Variants in SH3RF1 observed in about 807,000 individuals in gnomAD.
SH3RF1 encodes SH3 domain containing ring finger 1.
SH3RF1 carries 32 observed loss-of-function variants against 74.0 expected under a neutral mutation model. The ratio of observed to expected loss-of-function variants is 0.43; its 90% CI spans 0.33 to 0.58. The LOEUF (loss-of-function observed/expected upper bound fraction) is 0.58. SH3RF1 is among the 20% of genes least tolerant of loss of function. The pLI, the probability that SH3RF1 is intolerant of heterozygous loss-of-function variation, is 0.05. For missense variants in SH3RF1, 954 were observed against 1,130.9 expected, an observed-to-expected ratio of 0.84 and a Z score of 2.24; for synonymous variants, 396 against 439.6, an observed-to-expected ratio of 0.90 and a Z score of 1.24.
chr4:169,136,559 G>T lies in SH3RF1; in HGVS notation c.827C>A (p.Ala276Asp). The T allele has an allele frequency of 6.2e-7, 1 of 1,600,988 alleles. No homozygotes were observed. ...GGCTGCTGCCGAGGAACATTCTCCA[G>T]CATCAACTCCTGGCACAGGAGGCTT... ...WDKPPVPGVD[A>D]GECSSAAAQS... Residue 276 changes from alanine to aspartate, a missense_variant, in exon 5 of 12, where the codon GCT becomes GAT. This residue lies in a region of SH3RF1 where 854 missense variants were observed against 962.5 expected (regional missense o/e 0.89). Coordinates refer to ENST00000284637, the MANE Select transcript of SH3RF1 (RefSeq NM_020870.4).
Position 169,136,536 on chromosome 4 carries a change from C to T in SH3RF1, c.850G>A (p.Ala284Thr), listed in dbSNP as rs1733704444. The T allele has an allele frequency of 1.2e-6, 2 of 1,609,760 alleles. No individual in the cohort carries two copies. The highest frequency in any genetic ancestry group is 8.5e-7 in the Non-Finnish European group (1 of 1,178,462). Reference sequence around the variant, plus strand: ...TGCTTTGGGGCAGTGCTGCTCTGGGCTGCTGCCGAGGAACATTCTCCAGCA... The same window carrying T: ...TGCTTTGGGGCAGTGCTGCTCTGGGTTGCTGCCGAGGAACATTCTCCAGCA... ...VDAGECSSAA[A>T]QSSTAPKHSD... Residue 284 changes from alanine (A) to threonine (T), a missense_variant, in exon 5 of 12, where the codon GCC becomes ACC. Around this residue, in one of 3 missense-constraint regions of SH3RF1, gnomAD observed 854 missense variants for 962.5 expected, o/e 0.89. Coordinates refer to ENST00000284637, the MANE Select transcript of SH3RF1 (RefSeq NM_020870.4).
chr4:169,196,935 TA>T (rs1734822263), intron 2 of SH3RF1, among the ~76,000 whole-genome samples: 1 of 152,136 alleles, frequency 6.6e-6, no homozygotes, highest in South Asian at 2.1e-4. Flanking sequence ...TTTGCCTATT[TA>T]AAAAATAATG....
chr4:169,207,827 GTTGT>G (rs1730286179), intron 2 of SH3RF1, among the ~76,000 whole-genome samples: 1 of 152,180 alleles, frequency 6.6e-6, no homozygotes, highest in Admixed American at 6.5e-5. Flanking sequence ...ACAAGAGACA[GTTGT>G]TTATACAGGT....
intron 2 of SH3RF1, among the ~76,000 whole-genome samples, chr4:169,177,277 C>T (rs567266348): frequency 6.6e-6 from 1 of 152,086 alleles, no homozygotes; most frequent in Admixed American, 6.6e-5. Context: ...ATCTTTCTGC[C>T]CTTCAATTTC....
chr4:169,187,020 A>T (rs1007651331), intron 2 of SH3RF1, among the ~76,000 whole-genome samples: 4 of 151,584 alleles, frequency 2.6e-5, no homozygotes, highest in African/African-American at 9.7e-5. Context: ...CGCAAAAAAA[A>T]AAAAATGAAA....
chr4:169,156,010 G>A (rs749376857), intron 3 of SH3RF1, among the ~76,000 whole-genome samples: 4 of 151,958 alleles, frequency 2.6e-5, no homozygotes, highest in Admixed American at 6.6e-5. Context: ...TTATCAATTC[G>A]GCAGATATAT....
At chr4:169,197,065 G>A (rs1017156714) in intron 2 of SH3RF1, among the ~76,000 whole-genome samples, 1 of 151,958 alleles carries the variant, frequency 6.6e-6, no homozygotes, top group Non-Finnish European at 1.5e-5. Context: ...GAGAGCAGTG[G>A]CACTATCTCA....
At chr4:169,104,618 G>A (rs1733100993) in intron 11 of SH3RF1, among the ~76,000 whole-genome samples, 1 of 152,098 alleles carries the variant, frequency 6.6e-6, no homozygotes. Flanking sequence ...ATCATAAATT[G>A]TGGCTGGGCT....
In SH3RF1 at chr4:169,167,720, A is replaced by T. The variant is rs1734270360; in HGVS notation, c.394-11041T>A. On this transcript the variant is annotated intron_variant, in intron 2 of 11. Transcript: ENST00000284637. ...GTTGCCCATAGGAGGTGGGCAAATGAGTGAAAGAGGGTGTGAGGGAAATTT... is the reference window on the plus strand; with the variant it reads ...GTTGCCCATAGGAGGTGGGCAAATGTGTGAAAGAGGGTGTGAGGGAAATTT... 2.0e-5 allele frequency among the ~76,000 whole-genome samples: 3 copies of T among 152,310 alleles called. No individual in the cohort carries two copies. In the South Asian group the frequency reaches 6.2e-4, roughly 32 times the overall value.
rs1215961601 is a variant in SH3RF1, at chr4:169,095,942, A to G, written c.*577T>C. 1 of 152,188 alleles carries G rather than the reference A, an allele frequency of 6.6e-6. No individual in the cohort carries two copies. The highest frequency in any genetic ancestry group is 2.4e-5 in the African/African-American group (1 of 41,448). The allele number at this position is 152,188 out of a possible 1,614,324, so 9.4% of individuals were successfully genotyped here. A position where few individuals can be genotyped will look rare whatever the true frequency, so the allele number is the denominator to read the frequency against. ...CCCTAATTGATACTGATTCATTTGTATGTTTGGTTTCCCAAAGAAGAAAAC... is the reference window on the plus strand; with the variant it reads ...CCCTAATTGATACTGATTCATTTGTGTGTTTGGTTTCCCAAAGAAGAAAAC... On this transcript the variant is annotated 3_prime_UTR_variant, in exon 12 of 12. Transcript: ENST00000284637.
chr4:169,165,640 G>C (rs189928777), intron 2 of SH3RF1, among the ~76,000 whole-genome samples: 222 of 132,462 alleles, frequency 1.7e-3, no homozygotes, highest in Non-Finnish European at 2.2e-3. Flanking sequence ...AAAAAGGCGG[G>C]GGGGGGAGTC....
At chr4:169,155,437 A>T in intron 4 of SH3RF1, 43 bp downstream of exon 4, 1 of 1,432,932 alleles carries the variant, frequency 7.0e-7, no homozygotes, top group Non-Finnish European at 9.8e-7. Flanking sequence ...TTATTTAGTA[A>T]GCTGAATATT....
At chr4:169,117,251 TC>T (rs1733352265) in intron 9 of SH3RF1, among the ~76,000 whole-genome samples, 1 of 152,164 alleles carries the variant, frequency 6.6e-6, no homozygotes. Context: ...TCATATGATC[TC>T]AACTATAGAA....
intron 2 of SH3RF1, among the ~76,000 whole-genome samples, chr4:169,229,887 G>T (rs1730706973): frequency 1.3e-5 from 2 of 152,152 alleles, no homozygotes; most frequent in African/African-American, 4.8e-5. Context: ...GTCTCTAATT[G>T]TATTTACATG....
At chr4:169,159,341 G>A (rs1372729237) in intron 2 of SH3RF1, among the ~76,000 whole-genome samples, 3 of 152,138 alleles carry the variant, frequency 2.0e-5, no homozygotes, top group Non-Finnish European at 4.4e-5. Context: ...CCAAAAATAG[G>A]TTTGAGGAAA....
Position 169,114,405 on chromosome 4 carries a change from C to T in SH3RF1, c.2139+1864G>A, listed in dbSNP as rs74727286. Among the ~76,000 whole-genome samples, 907 of 152,294 alleles carry T rather than the reference C, an allele frequency of 6.0e-3. 16 individuals carry two copies. The highest frequency in any genetic ancestry group is 0.021 in the African/African-American group (876 of 41,558). ...GCCCACCTGGATAATTCAGGCTAAC[C>T]ACCTTGTCAAAAGGCTATTAATTTA... On this transcript the variant is annotated intron_variant, in intron 10 of 11. Transcript: ENST00000284637.
At chr4:169,113,592 A>G (rs763280912) in intron 10 of SH3RF1, among the ~76,000 whole-genome samples, 7 of 152,200 alleles carry the variant, frequency 4.6e-5, no homozygotes, top group Non-Finnish European at 7.3e-5. Flanking sequence ...GGATGGGAGG[A>G]TGATGTAAAA....
chr4:169,238,112 A>G lies in SH3RF1; in HGVS notation c.393+30708T>C, dbSNP rs1174766038. Reference sequence around the variant, plus strand: ...CAGCTGTCTTTGCTGTATTCAGAATAGAGCCCTATCTCTGCCTCCTACTGT... The same window carrying G: ...CAGCTGTCTTTGCTGTATTCAGAATGGAGCCCTATCTCTGCCTCCTACTGT... On this transcript the variant is annotated intron_variant, in intron 2 of 11. Coordinates refer to ENST00000284637, the MANE Select transcript of SH3RF1 (RefSeq NM_020870.4). Among the ~76,000 whole-genome samples the G allele has an allele frequency of 7.9e-5, 12 of 152,234 alleles. No individual in the cohort carries two copies. In the East Asian group the frequency reaches 2.3e-3, roughly 29 times the overall value.
intron 2 of SH3RF1, among the ~76,000 whole-genome samples, chr4:169,265,923 G>A (rs1731345182): frequency 6.6e-6 from 1 of 152,200 alleles, no homozygotes; most frequent in African/African-American, 2.4e-5. Flanking sequence ...TAAAAACCAT[G>A]CTTTCCTTAT....
Sources: gnomAD v4.1 joint callset for allele counts (sites outside exome capture counted in the v4.1 genomes callset) on GRCh38, gnomAD v4.1.1 for gene constraint, gnomAD v4.1.1 regional missense constraint, MANE v1.5 for transcripts, NCBI Gene and HGNC (gene_info 2026-07-23, HGNC 2026-07-21) for gene names.